Variants in ALK observed in about 807,000 individuals in gnomAD.
The protein encoded by ALK is ALK receptor tyrosine kinase, also known as ALK tyrosine kinase receptor.
A neutral mutation model predicts 163.1 loss-of-function variants in ALK; 74 were observed. The ratio of observed to expected loss-of-function variants is 0.45; its 90% CI spans 0.38 to 0.55. The LOEUF (loss-of-function observed/expected upper bound fraction) is 0.55. Among genes scored for constraint, ALK ranks in the 20% least tolerant of loss-of-function variants. The pLI is 0.00. For missense variants in ALK, 2,063 were observed against 2,105.3 expected, an observed-to-expected ratio of 0.98 and a Z score of 0.39; for synonymous variants, 960 against 843.2, an observed-to-expected ratio of 1.14 and a Z score of -2.40.
At chr2:29,664,926 T>C (rs1677464053) in intron 3 of ALK, among the ~76,000 whole-genome samples, 1 of 152,104 alleles carries the variant, frequency 6.6e-6, no homozygotes, top group African/African-American at 2.4e-5. Context: ...TACATTGCCC[T>C]TTCATTTCCC....
At chr2:29,297,523 A>G (rs13422847) in intron 8 of ALK, among the ~76,000 whole-genome samples, 21,063 of 152,106 alleles carry the variant, frequency 0.14, 1,655 homozygotes, top group African/African-American at 0.22. Context: ...TTCCCCAAAG[A>G]CTCTAATAAT....
intron 3 of ALK, among the ~76,000 whole-genome samples, chr2:29,577,061 C>G (rs866027802): frequency 6.6e-6 from 1 of 152,158 alleles, no homozygotes; most frequent in Non-Finnish European, 1.5e-5. Flanking sequence ...TCATCTTCCA[C>G]GAAACCAGTC....
chr2:29,379,446 GAGAAATAAAAGAAATGTA>G (rs1459807817), intron 5 of ALK, among the ~76,000 whole-genome samples: 1 of 152,174 alleles, frequency 6.6e-6, no homozygotes, highest in East Asian at 1.9e-4. Flanking sequence ...CTGCTCCCTG[GAGAAATAAAAGAAATGTA>G]AGACAAGGTC....
intron 1 of ALK, among the ~76,000 whole-genome samples, chr2:29,723,682 G>A (rs1050880199): frequency 2.6e-5 from 4 of 152,210 alleles, no homozygotes; most frequent in Admixed American, 6.5e-5. Context: ...AATAAGAATA[G>A]GGCATATTCT....
At chr2:29,666,098 A>T (rs1467532588) in intron 3 of ALK, among the ~76,000 whole-genome samples, 1 of 152,096 alleles carries the variant, frequency 6.6e-6, no homozygotes, top group Admixed American at 6.6e-5. Flanking sequence ...AGACACTATA[A>T]AATCTTTTGC....
At chr2:29,391,915 G>GT (rs1284653952) in intron 4 of ALK, among the ~76,000 whole-genome samples, 1 of 152,154 alleles carries the variant, frequency 6.6e-6, no homozygotes, top group African/African-American at 2.4e-5. Context: ...CCTGAATTTT[G>GT]TAATTAAGAA....
At chr2:29,389,403 T>G (rs1176504747) in intron 4 of ALK, among the ~76,000 whole-genome samples, 1 of 152,172 alleles carries the variant, frequency 6.6e-6, no homozygotes, top group Non-Finnish European at 1.5e-5. Context: ...AAAGAGAGAC[T>G]GGCATGAGCA....
chr2:29,634,364 T>C (rs1015681818), intron 3 of ALK, among the ~76,000 whole-genome samples: 2 of 152,184 alleles, frequency 1.3e-5, no homozygotes, highest in African/African-American at 4.8e-5. Context: ...TGAATATAGA[T>C]GCAAACATCT....
chr2:29,219,690 A>ATAAT (rs988562229), intron 23 of ALK, among the ~76,000 whole-genome samples: 3 of 152,162 alleles, frequency 2.0e-5, no homozygotes, highest in Non-Finnish European at 4.4e-5. Flanking sequence ...GCTATGTTTA[A>ATAAT]TAATTTAGAA....
chr2:29,382,327 T>A (rs1668920192), intron 5 of ALK, among the ~76,000 whole-genome samples: 1 of 152,178 alleles, frequency 6.6e-6, no homozygotes, highest in Non-Finnish European at 1.5e-5. Flanking sequence ...TCACTGCGAA[T>A]GCAACACAGG....
intron 26 of ALK, among the ~76,000 whole-genome samples, chr2:29,206,209 C>G (rs1412716406): frequency 2.0e-5 from 3 of 151,138 alleles, no homozygotes; most frequent in Non-Finnish European, 4.4e-5. Flanking sequence ...CCTTTCTTCT[C>G]TCTCCTCTCT....
At chr2:29,537,228 G>C (rs930847788) in intron 3 of ALK, among the ~76,000 whole-genome samples, 1 of 152,216 alleles carries the variant, frequency 6.6e-6, no homozygotes, top group Non-Finnish European at 1.5e-5. Context: ...GATCGCAAGG[G>C]CATTTCAAAA....
chr2:29,636,796 T>C (rs561401116), intron 3 of ALK, among the ~76,000 whole-genome samples: 1 of 152,272 alleles, frequency 6.6e-6, no homozygotes, highest in East Asian at 1.9e-4. Context: ...TAAAGGCACA[T>C]TGTATCAAAA....
At chr2:29,232,917 G>A (rs1468830135) in intron 14 of ALK, among the ~76,000 whole-genome samples, 1 of 152,144 alleles carries the variant, frequency 6.6e-6, no homozygotes, top group South Asian at 2.1e-4. Context: ...CTAGCAGGTG[G>A]CCTCTGTCTT....
chr2:29,528,822 T>G (rs1253664620), intron 4 of ALK, among the ~76,000 whole-genome samples: 3 of 152,182 alleles, frequency 2.0e-5, no homozygotes, highest in African/African-American at 7.2e-5. Flanking sequence ...AGATGTCCTA[T>G]GCCTATGTGA....
At chr2:29,717,530 A>G (rs1422669660) in intron 2 of ALK, 48 bp downstream of exon 2, 1 of 1,606,676 alleles carries the variant, frequency 6.2e-7, no homozygotes, top group Non-Finnish European at 8.5e-7. Context: ...AGTCCTTATT[A>G]TGAGATAGTG....
chr2:29,791,999 A>G (rs545809723), intron 1 of ALK, among the ~76,000 whole-genome samples: 1 of 152,354 alleles, frequency 6.6e-6, no homozygotes, highest in South Asian at 2.1e-4. Context: ...TTATGAAATA[A>G]GAGTTGTAAC....
intron 1 of ALK, among the ~76,000 whole-genome samples, chr2:29,751,946 G>A (rs549458681): frequency 2.6e-4 from 39 of 152,108 alleles, no homozygotes; most frequent in Admixed American, 2.4e-3. Context: ...TTTTGAGACC[G>A]GAGTGGTAGA....
intron 3 of ALK, among the ~76,000 whole-genome samples, chr2:29,661,880 CTG>C (rs1677358635): frequency 6.6e-6 from 1 of 152,050 alleles, no homozygotes; most frequent in Non-Finnish European, 1.5e-5. Flanking sequence ...GAGTATCATA[CTG>C]TGTCTTTTAT....
Sources: gnomAD v4.1 joint callset for allele counts (sites outside exome capture counted in the v4.1 genomes callset) on GRCh38, gnomAD v4.1.1 for gene constraint, MANE v1.5 for transcripts, NCBI Gene and HGNC (gene_info 2026-07-23, HGNC 2026-07-21) for gene names.